DYNC2I1: variants seen among roughly 807,000 people sequenced by gnomAD.
The protein encoded by DYNC2I1 is dynein 2 intermediate chain 1.
DYNC2I1 carries 89 observed loss-of-function variants against 133.4 expected under a neutral mutation model. The observed-to-expected ratio is 0.67, with a 90% confidence interval of 0.56 to 0.80. The LOEUF (loss-of-function observed/expected upper bound fraction) is 0.80. Among genes scored for constraint, DYNC2I1 ranks in the 30% least tolerant of loss-of-function variants. The probability of loss-of-function intolerance (pLI) is 0.00; values close to 1 mark genes in which losing one functional copy is unlikely to be tolerated. For missense variants in DYNC2I1, 1,291 were observed against 1,314.5 expected (o/e 0.98, Z 0.28); for synonymous variants, 504 against 484.3 (o/e 1.04, Z -0.54).
At chr7:158,880,840 C>T (rs1253772879) in intron 5 of DYNC2I1, among the ~76,000 whole-genome samples, 5 of 152,018 alleles carry the variant, frequency 3.3e-5, no homozygotes, top group Non-Finnish European at 7.4e-5. Context: ...TTACAGAATC[C>T]GAAGCTAATA....
chr7:158,865,955 G>A (rs888223813), intron 1 of DYNC2I1, among the ~76,000 whole-genome samples: 6 of 152,108 alleles, frequency 3.9e-5, no homozygotes, highest in East Asian at 3.9e-4. Context: ...AGTTTTAAGC[G>A]CTCCAAAGTA....
At chr7:158,905,859 T>A in intron 10 of DYNC2I1, 130 bp from the exon 11 acceptor site, 1 of 675,722 alleles carries the variant, frequency 1.5e-6, no homozygotes, top group East Asian at 2.8e-5. Flanking sequence ...ATGAAAGATG[T>A]TTGTCATTAG....
chr7:158,901,090 T>C (rs1483665012), intron 8 of DYNC2I1, among the ~76,000 whole-genome samples: 1 of 152,136 alleles, frequency 6.6e-6, no homozygotes, highest in Non-Finnish European at 1.5e-5. Flanking sequence ...TATTTTCTGC[T>C]TTCTAGTATG....
chr7:158,915,391 G>A (rs1847995468), intron 14 of DYNC2I1, among the ~76,000 whole-genome samples: 8 of 124,290 alleles, frequency 6.4e-5, no homozygotes, highest in East Asian at 2.2e-4. Flanking sequence ...ACGTCGACAT[G>A]CTGGTTGACA....
intron 1 of DYNC2I1, among the ~76,000 whole-genome samples, chr7:158,866,305 A>C (rs1371463835): frequency 2.9e-5 from 4 of 138,106 alleles, no homozygotes; most frequent in Admixed American, 7.2e-5. Context: ...TGGACTGTCC[A>C]TTGGTGTCCT....
intron 23 of DYNC2I1, among the ~76,000 whole-genome samples, chr7:158,940,121 AACTACAC>A (rs1347788972): frequency 6.6e-6 from 1 of 152,198 alleles, no homozygotes; most frequent in Non-Finnish European, 1.5e-5. Flanking sequence ...ATCAGAGTTA[AACTACAC>A]ACTAGACCAG....
At chr7:158,909,107 G>A (rs2129484345) in intron 11 of DYNC2I1, among the ~76,000 whole-genome samples, 1 of 151,992 alleles carries the variant, frequency 6.6e-6, no homozygotes, top group South Asian at 2.1e-4. Flanking sequence ...GAGGCGGGCG[G>A]ATCACCTGAG....
At chr7:158,880,056 C>G in intron 5 of DYNC2I1, 67 bp downstream of exon 5, 2 of 1,518,476 alleles carry the variant, frequency 1.3e-6, no homozygotes, top group Non-Finnish European at 1.8e-6. Context: ...AGGAGGCTTA[C>G]CGGGCGGTGT....
At chr7:158,911,411 A>G in intron 11 of DYNC2I1, 139 bp from the exon 12 acceptor site, 2 of 894,862 alleles carry the variant, frequency 2.2e-6, no homozygotes, top group South Asian at 3.7e-5. Context: ...GCTGTTAAAT[A>G]TCTCAGACTC....
chr7:158,943,088 T>C lies in DYNC2I1; in HGVS notation c.3002+940T>C, dbSNP rs566984209. Among the ~76,000 whole-genome samples, 5 of 152,292 alleles carry C rather than the reference T, an allele frequency of 3.3e-5. No homozygotes were observed. The East Asian group carries it at 9.6e-4, about 29-fold the overall frequency. ...GGGGAGAGAAATCCCACAGCCCTTTTGTAAAGGAAAGATAAGAGTTTAATA... is the reference window on the plus strand; with the variant it reads ...GGGGAGAGAAATCCCACAGCCCTTTCGTAAAGGAAAGATAAGAGTTTAATA... On this transcript the variant is annotated intron_variant, in intron 24 of 24. Transcript: ENST00000407559.
chr7:158,954,141 T>C lies in DYNC2I1; in HGVS notation c.*57-2442T>C, dbSNP rs569875269. 2.2e-4 allele frequency among the ~76,000 whole-genome samples: 34 copies of C among 152,324 alleles called. No homozygotes were observed. The South Asian group carries it at 6.6e-3, about 30-fold the overall frequency. On this transcript the variant is annotated intron_variant and NMD_transcript_variant, in intron 4 of 4. Transcript: ENST00000454771. Reference sequence around the variant, plus strand: ...CTGCACACACGCTCCTGTCTGCACCTTGGAAGACGTGCCTTTGCTTCTCCT... The same window carrying C: ...CTGCACACACGCTCCTGTCTGCACCCTGGAAGACGTGCCTTTGCTTCTCCT...
At chr7:158,892,786 C>T (rs1311424651) in intron 8 of DYNC2I1, among the ~76,000 whole-genome samples, 1 of 151,826 alleles carries the variant, frequency 6.6e-6, no homozygotes, top group Non-Finnish European at 1.5e-5. Flanking sequence ...ACTAAAAATA[C>T]AAAAATTAGC....
In DYNC2I1 at chr7:158,879,732, AAAG is replaced by A. The variant is rs1843807622; in HGVS notation, c.629_631del (p.Glu210del). On this transcript the variant is annotated inframe_deletion, in exon 5 of 25. Coordinates refer to ENST00000407559, the MANE Select transcript of DYNC2I1 (RefSeq NM_018051.5). ...CAACCCTCTCAAGTACTGGCTTTAT[AAAG>A]AAGAAGGCGAGAGGAGACACAGGAA... The A allele has an allele frequency of 1.9e-6, 3 of 1,599,436 alleles. No individual in the cohort carries two copies. Among genetic ancestry groups the A allele is most frequent in the Non-Finnish European group, 2.6e-6 (3 of 1,176,382 alleles).
At chr7:158,882,168 T>C (rs991595063) in intron 5 of DYNC2I1, among the ~76,000 whole-genome samples, 6 of 152,186 alleles carry the variant, frequency 3.9e-5, no homozygotes, top group Non-Finnish European at 8.8e-5. Flanking sequence ...CTGAGTGGCT[T>C]GTATGCTGGG....
At chr7:158,934,044 TGTA>T in intron 21 of DYNC2I1, 82 bp from the exon 22 acceptor site, 1 of 908,482 alleles carries the variant, frequency 1.1e-6, no homozygotes, top group South Asian at 1.5e-5. Flanking sequence ...ATCGATGTAT[TGTA>T]GTGCAAATCA....
chr7:158,923,626 C>T lies in DYNC2I1; in HGVS notation c.2150C>T (p.Ala717Val), dbSNP rs752865554. The change falls in exon 17 of 25, where the codon GCG (alanine) becomes GTG (valine). Residue 717 changes from alanine to valine, a missense_variant. Ala to Val is a moderately conservative substitution (Grantham distance 64). Coordinates refer to ENST00000407559, the MANE Select transcript of DYNC2I1 (RefSeq NM_018051.5). ...GCATTTTTACTGTTTGCCGGAACAG[C>T]GCACGGCTCAGTTGTCGTCTGGGAT... ...LKAFLLFAGT[A>V]HGSVVVWDLR... is the part of the protein sequence containing the mutation. 14 of 1,614,024 alleles carry T rather than the reference C, an allele frequency of 8.7e-6. No individual in the cohort carries two copies. Among genetic ancestry groups the T allele is most frequent in the Admixed American group, 1.7e-5 (1 of 60,022 alleles).
At chr7:158,890,820 C>T (rs897876719) in intron 7 of DYNC2I1, among the ~76,000 whole-genome samples, 7 of 152,078 alleles carry the variant, frequency 4.6e-5, no homozygotes, top group African/African-American at 1.2e-4. Context: ...GTGATCCGCC[C>T]GCCTCGGCCT....
intron 20 of DYNC2I1, among the ~76,000 whole-genome samples, chr7:158,927,613 G>A (rs1345652278): frequency 1.3e-5 from 2 of 151,066 alleles, no homozygotes; most frequent in Non-Finnish European, 2.9e-5. Flanking sequence ...CTGCAGTGGT[G>A]TGATCTTGGC....
chr7:158,935,945 C>G (rs763938697), intron 23 of DYNC2I1, among the ~76,000 whole-genome samples: 6 of 152,122 alleles, frequency 3.9e-5, no homozygotes, highest in Non-Finnish European at 8.8e-5. Flanking sequence ...CAAATCCCAG[C>G]ACTTCGGGCA....
Sources: allele counts gnomAD v4.1 joint callset (sites outside exome capture counted in the v4.1 genomes callset), GRCh38; gene constraint gnomAD v4.1.1; transcripts MANE v1.5; gene names NCBI Gene and HGNC (gene_info 2026-07-23, HGNC 2026-07-21).